VDAC1: variants seen among roughly 807,000 people sequenced by gnomAD.
VDAC1 encodes the protein voltage dependent anion channel 1.
Under a neutral mutation model 34.7 loss-of-function variants are expected in VDAC1, and 10 were observed. The ratio of observed to expected loss-of-function variants is 0.29; its 90% CI spans 0.18 to 0.49. The LOEUF (loss-of-function observed/expected upper bound fraction) is 0.49. VDAC1 is among the 20% of genes least tolerant of loss of function. The pLI, the probability that VDAC1 is intolerant of heterozygous loss-of-function variation, is 0.99. For missense variants in VDAC1, 230 were observed against 347.9 expected, an observed-to-expected ratio of 0.66 and a Z score of 2.69; for synonymous variants, 130 against 136.0, an observed-to-expected ratio of 0.96 and a Z score of 0.30.
chr5:134,050,737 G>C, the VDAC1 span, among the ~76,000 whole-genome samples: 1 of 152,198 alleles, frequency 6.6e-6, no homozygotes, highest in Non-Finnish European at 1.5e-5. Context: ...TCTCAAAGTG[G>C]AATATTAAAA....
upstream of VDAC1, among the ~76,000 whole-genome samples, chr5:134,006,800 T>C (rs1753763053): frequency 7.3e-6 from 1 of 136,522 alleles, no homozygotes; most frequent in Non-Finnish European, 1.6e-5. Context: ...CTTCATGGCC[T>C]CTGCTACCCT....
At chr5:134,053,558 G>A in the VDAC1 span, among the ~76,000 whole-genome samples, 7 of 152,184 alleles carry the variant, frequency 4.6e-5, no homozygotes, top group African/African-American at 1.7e-4. Flanking sequence ...CCTCACCCCA[G>A]GGCAGCTGCT....
At chr5:133,996,161 G>A (rs1753295761) in intron 1 of VDAC1, among the ~76,000 whole-genome samples, 1 of 152,226 alleles carries the variant, frequency 6.6e-6, no homozygotes, top group South Asian at 2.1e-4. Context: ...CCTGAGTGAT[G>A]GCTTCAGGGC....
chr5:134,043,969 G>A, the VDAC1 span, among the ~76,000 whole-genome samples: 4 of 152,060 alleles, frequency 2.6e-5, no homozygotes, highest in East Asian at 3.9e-4. Flanking sequence ...GCCCTCAGTC[G>A]CCCATTTCAG....
the VDAC1 span, among the ~76,000 whole-genome samples, chr5:134,085,722 T>TTAAAAAAAAA: frequency 2.3e-5 from 1 of 44,226 alleles, no homozygotes; most frequent in Non-Finnish European, 3.7e-5. Context: ...ACCCCATTTC[T>TTAAAAAAAAA]AAAAAAAAAA....
At chr5:133,979,825 TC>T (rs890916749) in intron 6 of VDAC1, among the ~76,000 whole-genome samples, 2 of 152,136 alleles carry the variant, frequency 1.3e-5, no homozygotes, top group African/African-American at 4.8e-5. Flanking sequence ...AACAGTTCCC[TC>T]CCCGAAACTC....
At chr5:134,048,459 G>A in the VDAC1 span, among the ~76,000 whole-genome samples, 1 of 151,584 alleles carries the variant, frequency 6.6e-6, no homozygotes, top group Admixed American at 6.6e-5. Context: ...TAGAGATAGG[G>A]TTTCGCCATG....
the VDAC1 span, among the ~76,000 whole-genome samples, chr5:134,096,858 G>A: frequency 5.9e-5 from 9 of 152,308 alleles, no homozygotes; most frequent in South Asian, 1.9e-3. Flanking sequence ...TAAAGTGCTG[G>A]AATTACAGGC....
At chr5:134,055,281 G>A in the VDAC1 span, among the ~76,000 whole-genome samples, 1 of 152,208 alleles carries the variant, frequency 6.6e-6, no homozygotes, top group Admixed American at 6.5e-5. Flanking sequence ...GCTATGGGGT[G>A]ATTTGATCTG....
chr5:134,040,176 AC>A, the VDAC1 span, among the ~76,000 whole-genome samples: 1 of 152,170 alleles, frequency 6.6e-6, no homozygotes, highest in Non-Finnish European at 1.5e-5. Flanking sequence ...CACACCTCTA[AC>A]CCCAACACTT....
chr5:134,024,914 C>T, the VDAC1 span, among the ~76,000 whole-genome samples: 1 of 152,234 alleles, frequency 6.6e-6, no homozygotes, highest in African/African-American at 2.4e-5. Context: ...AGCTACCATA[C>T]ACGTGAGTGA....
chr5:134,070,985 C>T, the VDAC1 span, among the ~76,000 whole-genome samples: 2 of 152,214 alleles, frequency 1.3e-5, no homozygotes, highest in African/African-American at 4.8e-5. Context: ...GCGTCACCAT[C>T]CCCAGCCGCT....
the VDAC1 span, among the ~76,000 whole-genome samples, chr5:134,083,277 C>T: frequency 6.6e-6 from 1 of 151,314 alleles, no homozygotes; most frequent in African/African-American, 2.4e-5. Context: ...CAACTTCCGC[C>T]TCCTGGGTTC....
chr5:134,101,515 C>CA, the VDAC1 span, among the ~76,000 whole-genome samples: 1 of 151,566 alleles, frequency 6.6e-6, no homozygotes, highest in Non-Finnish European at 1.5e-5. Flanking sequence ...AGCCGAGATC[C>CA]ACCACCACAC....
chr5:134,097,009 G>A, the VDAC1 span, among the ~76,000 whole-genome samples: 123 of 152,332 alleles, frequency 8.1e-4, 1 homozygote, highest in African/African-American at 1.4e-3. Flanking sequence ...CTAGAGACTC[G>A]TGGTCCCAGC....
chr5:134,058,355 C>G, the VDAC1 span, among the ~76,000 whole-genome samples: 1 of 151,898 alleles, frequency 6.6e-6, no homozygotes, highest in African/African-American at 2.4e-5. Flanking sequence ...ACTCTGTCGC[C>G]CAGGCTGGAG....
chr5:134,098,488 G>A, the VDAC1 span, among the ~76,000 whole-genome samples: 147 of 152,058 alleles, frequency 9.7e-4, no homozygotes, highest in South Asian at 6.0e-3. Flanking sequence ...GCCTCCCAAA[G>A]TGCTGGGATT....
chr5:134,029,209 G>A, the VDAC1 span, among the ~76,000 whole-genome samples: 17 of 152,312 alleles, frequency 1.1e-4, no homozygotes, highest in African/African-American at 3.8e-4. Context: ...CTGCCCCAGC[G>A]AAGCCTTCAG....
chr5:134,012,824 A>G, the VDAC1 span, among the ~76,000 whole-genome samples: 2 of 152,204 alleles, frequency 1.3e-5, no homozygotes, highest in Non-Finnish European at 2.9e-5. Context: ...GAGGCATCAC[A>G]TTACCTGACT....
Sources: allele counts gnomAD v4.1 joint callset (sites outside exome capture counted in the v4.1 genomes callset), GRCh38; gene constraint gnomAD v4.1.1; transcripts MANE v1.5; gene names NCBI Gene and HGNC (gene_info 2026-07-23, HGNC 2026-07-21).